The following PLXDC2 variants were observed in gnomAD, a reference collection of about 807,000 sequenced individuals.
PLXDC2 encodes plexin domain-containing protein 2.
Under a neutral mutation model 68.9 loss-of-function variants are expected in PLXDC2, and 40 were observed. The observed-to-expected ratio is 0.58, with a 90% CI of 0.45 to 0.76. PLXDC2 has a LOEUF of 0.76. Among genes scored for constraint, PLXDC2 ranks in the 30% least tolerant of loss-of-function variants. PLXDC2 has a pLI of 0.00. For synonymous variants in PLXDC2, 243 were observed against 234.2 expected, an observed-to-expected ratio of 1.04 and a Z score of -0.34; for missense variants, 644 against 661.9, an observed-to-expected ratio of 0.97 and a Z score of 0.30.
At chr10:19,979,758 A>ACGTTAAGTCCATATTCTTCAG (rs1834519811) in intron 1 of PLXDC2, among the ~76,000 whole-genome samples, 1 of 152,176 alleles carries the variant, frequency 6.6e-6, no homozygotes, top group Non-Finnish European at 1.5e-5. Context: ...CCACTTGACC[A>ACGTTAAGTCCATATTCTTCAG]GTTTGCCTTA....
chr10:20,134,500 G>T (rs1833908301), intron 4 of PLXDC2, among the ~76,000 whole-genome samples: 1 of 152,138 alleles, frequency 6.6e-6, no homozygotes, highest in Non-Finnish European at 1.5e-5. Context: ...TACTGCCTGG[G>T]TCCACAGGAG....
chr10:20,239,153 C>T (rs906077200), intron 12 of PLXDC2, among the ~76,000 whole-genome samples: 5 of 152,064 alleles, frequency 3.3e-5, no homozygotes, highest in African/African-American at 4.8e-5. Flanking sequence ...CTGTGTGTTA[C>T]GTTTTACTAA....
chr10:20,187,186 A>G (rs1564346208), intron 9 of PLXDC2, among the ~76,000 whole-genome samples: 1 of 151,834 alleles, frequency 6.6e-6, no homozygotes, highest in South Asian at 2.1e-4. Flanking sequence ...GCAATAAACA[A>G]TCTCACCTTG....
intron 1 of PLXDC2, among the ~76,000 whole-genome samples, chr10:19,938,813 A>G (rs1247160286): frequency 1.3e-5 from 2 of 152,250 alleles, no homozygotes; most frequent in Non-Finnish European, 2.9e-5. Context: ...GAGTTGGGTC[A>G]GAGGAAGATT....
At chr10:19,841,641 C>T (rs181525150) in intron 1 of PLXDC2, among the ~76,000 whole-genome samples, 3 of 150,740 alleles carry the variant, frequency 2.0e-5, no homozygotes, top group Non-Finnish European at 4.4e-5. Flanking sequence ...GACTTCTGTG[C>T]CTTTCTTTCT....
Position 20,138,057 on chromosome 10 carries a change from C to T in PLXDC2, c.542-5238C>T, listed in dbSNP as rs77846132. 9.2e-5 allele frequency among the ~76,000 whole-genome samples: 14 copies of T among 152,224 alleles called. No homozygotes were observed. The East Asian group carries it at 2.5e-3, about 27-fold the overall frequency. On this transcript the variant is annotated intron_variant, in intron 4 of 13. Transcript: ENST00000377252. Reference sequence around the variant, plus strand: ...AATTATCTTATCTGTTTTTGTTAACCTTTCTTAAATGTACGTAGAGCTCAA... The same window carrying T: ...AATTATCTTATCTGTTTTTGTTAACTTTTCTTAAATGTACGTAGAGCTCAA...
intron 13 of PLXDC2, among the ~76,000 whole-genome samples, chr10:20,266,807 A>C (rs1451734503): frequency 6.6e-6 from 1 of 152,196 alleles, no homozygotes; most frequent in African/African-American, 2.4e-5. Context: ...GCTCCAGAGA[A>C]CAACATTATC....
intron 12 of PLXDC2, among the ~76,000 whole-genome samples, chr10:20,228,459 G>A (rs1461567436): frequency 6.6e-6 from 1 of 152,096 alleles, no homozygotes; most frequent in East Asian, 1.9e-4. Context: ...CTACTGGGGA[G>A]GCTGAGGTGG....
chr10:20,146,592 G>A (rs1444557667), intron 5 of PLXDC2, among the ~76,000 whole-genome samples: 2 of 137,412 alleles, frequency 1.5e-5, no homozygotes, highest in Admixed American at 7.7e-5. Flanking sequence ...AGAGACCTGA[G>A]TGGTCTTCAC....
intron 1 of PLXDC2, among the ~76,000 whole-genome samples, chr10:19,993,265 G>A (rs1298885871): frequency 6.6e-6 from 1 of 151,970 alleles, no homozygotes; most frequent in Non-Finnish European, 1.5e-5. Context: ...TATTAATTAT[G>A]GCTCATTAGG....
chr10:20,184,068 T>C (rs1834645922), intron 9 of PLXDC2, among the ~76,000 whole-genome samples: 1 of 151,954 alleles, frequency 6.6e-6, no homozygotes, highest in Middle Eastern at 3.4e-3. Flanking sequence ...GGTAAAGATA[T>C]GTATTTACAG....
At chr10:19,830,587 T>C (rs1836669975) in intron 1 of PLXDC2, among the ~76,000 whole-genome samples, 1 of 152,160 alleles carries the variant, frequency 6.6e-6, no homozygotes, top group African/African-American at 2.4e-5. Context: ...GAATGTCCTC[T>C]CCCCACTCTA....
At chr10:20,096,870 C>T (rs1429781597) in intron 4 of PLXDC2, among the ~76,000 whole-genome samples, 1 of 152,004 alleles carries the variant, frequency 6.6e-6, no homozygotes, top group African/African-American at 2.4e-5. Flanking sequence ...AAGTATTGAG[C>T]AAACAACCTA....
chr10:20,215,452 A>G (rs895085431), intron 10 of PLXDC2, among the ~76,000 whole-genome samples: 2 of 152,008 alleles, frequency 1.3e-5, no homozygotes, highest in African/African-American at 4.8e-5. Context: ...GTCAGGATGC[A>G]TTGGGGAGAA....
At chr10:20,116,643 T>A (rs1833626830) in intron 4 of PLXDC2, among the ~76,000 whole-genome samples, 1 of 152,186 alleles carries the variant, frequency 6.6e-6, no homozygotes, top group South Asian at 2.1e-4. Context: ...ACCTACAGAT[T>A]GGTGGCTTGA....
intron 2 of PLXDC2, among the ~76,000 whole-genome samples, chr10:20,015,778 C>T (rs1468895111): frequency 3.9e-5 from 6 of 152,020 alleles, no homozygotes; most frequent in African/African-American, 1.4e-4. Context: ...TGGCAATCTC[C>T]AATTCTCTCA....
chr10:20,199,180 C>T (rs1038151151), intron 9 of PLXDC2, among the ~76,000 whole-genome samples: 10 of 152,060 alleles, frequency 6.6e-5, no homozygotes, highest in African/African-American at 2.4e-4. Flanking sequence ...TACTGAAGAT[C>T]ACTTGGTCAT....
intron 4 of PLXDC2, among the ~76,000 whole-genome samples, chr10:20,112,486 T>C (rs946572879): frequency 2.0e-5 from 3 of 152,236 alleles, no homozygotes; most frequent in African/African-American, 7.2e-5. Context: ...TCTGACTCGA[T>C]GTCCTCCTCT....
At chr10:20,189,504 T>TATACAC (rs1554773611) in intron 9 of PLXDC2, among the ~76,000 whole-genome samples, 4 of 121,598 alleles carry the variant, frequency 3.3e-5, no homozygotes, top group Non-Finnish European at 3.4e-5. Context: ...TATATATATA[T>TATACAC]ACACATACAC....
Sources: gnomAD v4.1 joint callset for allele counts (sites outside exome capture counted in the v4.1 genomes callset) on GRCh38, gnomAD v4.1.1 for gene constraint, MANE v1.5 for transcripts, NCBI Gene and HGNC (gene_info 2026-07-23, HGNC 2026-07-21) for gene names.